TAPT1: variants seen among roughly 807,000 people sequenced by gnomAD.
TAPT1 encodes the protein transmembrane anterior posterior transformation 1, also known as transmembrane anterior posterior transformation protein 1 homolog.
TAPT1 carries 28 observed loss-of-function variants against 65.6 expected under a neutral mutation model. That is an observed-to-expected ratio of 0.43 (90% CI 0.32 to 0.59). The LOEUF is 0.59. TAPT1 is among the 20% of genes least tolerant of loss of function. The probability of loss-of-function intolerance (pLI) is 0.09; values close to 1 mark genes in which losing one functional copy is unlikely to be tolerated. For missense variants in TAPT1, 563 were observed against 679.9 expected (o/e 0.83, Z 1.91); for synonymous variants, 278 against 245.2 (o/e 1.13, Z -1.25).
chr4:16,163,571 G>T, intron 13 of TAPT1, 34 bp from the exon 14 acceptor site: 2 of 1,491,996 alleles, frequency 1.3e-6, no homozygotes, highest in South Asian at 1.2e-5. Flanking sequence ...ATTAGAGAAA[G>T]ACTTTTCTCC....
chr4:16,166,851 T>C, intron 12 of TAPT1, 58 bp from the exon 13 acceptor site: 1 of 1,556,946 alleles, frequency 6.4e-7, no homozygotes, highest in Non-Finnish European at 8.8e-7. Flanking sequence ...TCCCTGTGAA[T>C]GCCATCTACT....
At chr4:16,183,710 G>A (rs1198099464) in intron 7 of TAPT1, among the ~76,000 whole-genome samples, 4 of 152,112 alleles carry the variant, frequency 2.6e-5, no homozygotes, top group East Asian at 3.9e-4. Flanking sequence ...CACAACAAAC[G>A]AAATTCTTAC....
intron 1 of TAPT1, among the ~76,000 whole-genome samples, chr4:16,225,130 T>A (rs1436445759): frequency 6.6e-6 from 1 of 152,228 alleles, no homozygotes; most frequent in Non-Finnish European, 1.5e-5. Flanking sequence ...AATTTTTAAG[T>A]GGTTAATTGA....
intron 3 of TAPT1, among the ~76,000 whole-genome samples, chr4:16,199,619 T>C (rs1400848615): frequency 6.6e-6 from 1 of 152,048 alleles, no homozygotes; most frequent in African/African-American, 2.4e-5. Flanking sequence ...AAAGAGACAG[T>C]CTTGCTCTGT....
chr4:16,186,759 G>C, intron 6 of TAPT1, 22 bp downstream of exon 6: 4 of 1,541,776 alleles, frequency 2.6e-6, no homozygotes, highest in Non-Finnish European at 3.6e-6. Flanking sequence ...CTTCAAAAAT[G>C]TAAGATAAAT....
At position 16,186,876 on chromosome 4, in the gene TAPT1, A is replaced by T; in HGVS notation, c.751T>A (p.Leu251Met). ...HFFMAVLYVF[L>M]HAILIMVQAT... ...TGAACCATTATAAGAATTGCATGCAAAACTAATAGAAGGTCAAGGAAAAAA... is the reference window on the plus strand; with the variant it reads ...TGAACCATTATAAGAATTGCATGCATAACTAATAGAAGGTCAAGGAAAAAA... Residue 251 changes from leucine to methionine, a missense_variant and splice_region_variant, in exon 6 of 14, where the codon TTG (leucine) becomes ATG (methionine). Physicochemically the swap from Leu to Met is conservative, Grantham distance 15 (BLOSUM62 2). This residue lies in a region of TAPT1 where 217 missense variants were observed against 317.5 expected (regional missense o/e 0.68). Coordinates refer to ENST00000405303, the MANE Select transcript of TAPT1 (RefSeq NM_153365.3). 6.3e-7 allele frequency: 1 copy of T among 1,597,448 alleles called. No individual in the cohort carries two copies.
intron 4 of TAPT1, 192 bp downstream of exon 4, chr4:16,191,169 C>T: frequency 1.8e-6 from 1 of 540,976 alleles, no homozygotes; most frequent in Non-Finnish European, 3.1e-6. Context: ...GCAGATTCTC[C>T]AGACCCAGCC....
intron 2 of TAPT1, among the ~76,000 whole-genome samples, chr4:16,203,343 T>C (rs1750149294): frequency 6.6e-6 from 1 of 152,192 alleles, no homozygotes; most frequent in African/African-American, 2.4e-5. Context: ...GTCAATAAAT[T>C]GCCCTGCCTC....
chr4:16,217,363 A>G (rs1378781894), intron 1 of TAPT1, among the ~76,000 whole-genome samples: 1 of 152,254 alleles, frequency 6.6e-6, no homozygotes. Flanking sequence ...ACAGAATCAG[A>G]CAGTGAGAAG....
intron 3 of TAPT1, among the ~76,000 whole-genome samples, chr4:16,194,861 CTT>C (rs1491509019): frequency 5.4e-4 from 10 of 18,632 alleles, no homozygotes; most frequent in African/African-American, 1.2e-3. Flanking sequence ...TGATTTCTGT[CTT>C]CTTCTTCTTC....
intron 7 of TAPT1, chr4:16,183,176 TA>T: frequency 6.6e-6 from 1 of 152,320 alleles, no homozygotes; most frequent in Non-Finnish European, 1.5e-5. Flanking sequence ...TTGCCTAGAA[TA>T]TTTTTTTTCT....
Position 16,174,670 on chromosome 4 carries a change from A to T in TAPT1, c.1167T>A (p.Asn389Lys). ...AFDLVSSRQKNAYTDYSDSVA... is the reference protein window; with the variant it reads ...AFDLVSSRQKKAYTDYSDSVA... ...GACTACGCCCTTGATAAATGCTCAC[A>T]TTTTTCTGTCGGCTGCTAACAAGGT... The change falls in exon 10 of 14, where the codon AAT (asparagine) becomes AAA (lysine). Residue 389 changes from asparagine (N) to lysine (K), a missense_variant and splice_region_variant. By Grantham distance (94) the Asn-to-Lys change is moderately conservative. Around this residue, in one of 5 missense-constraint regions of TAPT1, gnomAD observed 104 missense variants for 102.5 expected, o/e 1.01. Transcript: ENST00000405303. The T allele has an allele frequency of 6.3e-7, 1 of 1,590,142 alleles. No individual in the cohort carries two copies. The highest frequency in any genetic ancestry group is 8.6e-7 in the Non-Finnish European group (1 of 1,167,534).
At chr4:16,226,484 C>G (rs1160991982), upstream of TAPT1, 10 of 1,046,362 alleles carry the variant, frequency 9.6e-6, no homozygotes, top group Non-Finnish European at 2.3e-6. Context: ...ACTGTCCCCG[C>G]CGCCTCCCTC....
At chr4:16,217,480 G>A (rs991967193) in intron 1 of TAPT1, among the ~76,000 whole-genome samples, 2 of 152,158 alleles carry the variant, frequency 1.3e-5, no homozygotes, top group Non-Finnish European at 2.9e-5. Context: ...GAACAGAACC[G>A]ACAAAGAATT....
chr4:16,186,611 T>C lies in TAPT1; in HGVS notation c.847-7A>G, dbSNP rs962335202. 1.3e-6 allele frequency: 2 copies of C among 1,512,964 alleles called. No individual in the cohort carries two copies. Among genetic ancestry groups the C allele is most frequent in the Non-Finnish European group, 1.8e-6 (2 of 1,112,112 alleles). 93.7% of individuals were successfully genotyped at this position (1,512,964 alleles called of 1,614,324 possible). ...TTCCTTTAATTTCAACAAACTGAAATAGTAAACAGAAATACCATCTTTATG... is the reference window on the plus strand; with the variant it reads ...TTCCTTTAATTTCAACAAACTGAAACAGTAAACAGAAATACCATCTTTATG... On this transcript the variant is annotated splice_polypyrimidine_tract_variant and splice_region_variant and intron_variant, in intron 6 of 13. Coordinates refer to ENST00000405303, the MANE Select transcript of TAPT1 (RefSeq NM_153365.3).
At chr4:16,178,604 A>G (rs1748500264) in intron 8 of TAPT1, among the ~76,000 whole-genome samples, 2 of 152,184 alleles carry the variant, frequency 1.3e-5, no homozygotes, top group Admixed American at 1.3e-4. Context: ...CCCCTTAATT[A>G]GCCTGTTAAG....
In TAPT1 at chr4:16,191,359, A is replaced by AC; in HGVS notation, c.612+1dup. 6.3e-7 allele frequency: 1 copy of AC among 1,597,504 alleles called. No individual in the cohort carries two copies. Among genetic ancestry groups the AC allele is most frequent in the East Asian group, 2.3e-5 (1 of 44,236 alleles). ...CCTGTGCGGGGTAAGCAAGGCCCTTACCTCCAGCATGTTGTAGATGATGTA... is the reference window on the plus strand; with the variant it reads ...CCTGTGCGGGGTAAGCAAGGCCCTTACCCTCCAGCATGTTGTAGATGATGTA... On this transcript the variant is annotated splice_donor_variant, in intron 4 of 13. Transcript: ENST00000405303. LOFTEE classifies it high-confidence loss of function.
chr4:16,220,747 CAA>C (rs1265447676), intron 1 of TAPT1, among the ~76,000 whole-genome samples: 34 of 102,410 alleles, frequency 3.3e-4, no homozygotes, highest in African/African-American at 2.1e-4. Context: ...GACTCTATCT[CAA>C]AAAAAAAAAA....
intron 1 of TAPT1, among the ~76,000 whole-genome samples, chr4:16,224,436 AAAG>A (rs1751433170): frequency 1.3e-5 from 2 of 152,290 alleles, no homozygotes; most frequent in South Asian, 4.1e-4. Context: ...CACCAGGGGA[AAAG>A]AAGGAGGGGC....
Sources: gnomAD v4.1 joint callset for allele counts (sites outside exome capture counted in the v4.1 genomes callset) on GRCh38, gnomAD v4.1.1 for gene constraint, gnomAD v4.1.1 regional missense constraint, MANE v1.5 for transcripts, NCBI Gene and HGNC (gene_info 2026-07-23, HGNC 2026-07-21) for gene names.